SERPINC1: variants seen among roughly 807,000 people sequenced by gnomAD.
The protein encoded by SERPINC1 is serpin family C member 1.
A neutral mutation model predicts 43.4 loss-of-function variants in SERPINC1; 12 were observed. The observed-to-expected ratio is 0.28, with a 90% CI of 0.18 to 0.45. SERPINC1 has a LOEUF of 0.45. SERPINC1 is among the 20% of genes least tolerant of loss of function. The probability of loss-of-function intolerance (pLI) is 1.00; values close to 1 mark genes in which losing one functional copy is unlikely to be tolerated. For missense variants in SERPINC1, 423 were observed against 578.8 expected (o/e 0.73, Z 2.76); for synonymous variants, 210 against 218.9 (o/e 0.96, Z 0.36).
At chr1:173,912,565 C>CA (rs1398438662) in intron 2 of SERPINC1, among the ~76,000 whole-genome samples, 2 of 152,220 alleles carry the variant, frequency 1.3e-5, no homozygotes, top group African/African-American at 4.8e-5. Flanking sequence ...ATCCCCAAGG[C>CA]AAAATGGGTG....
At chr1:173,913,108 C>T (rs1370652846) in intron 2 of SERPINC1, among the ~76,000 whole-genome samples, 1 of 152,196 alleles carries the variant, frequency 6.6e-6, no homozygotes, top group East Asian at 1.9e-4. Context: ...CCTCCTAAGA[C>T]CCACAGACTT....
chr1:173,907,486 G>A lies in SERPINC1; in HGVS notation c.1182C>T (p.Leu394=), dbSNP rs1418519726. 11 of 1,613,872 alleles carry A rather than the reference G, an allele frequency of 6.8e-6. No individual in the cohort carries two copies. The highest frequency in any genetic ancestry group is 1.3e-5 in the African/African-American group (1 of 74,918). Residue 394 remains leucine, a synonymous_variant, in exon 6 of 7, where the codon CTC becomes CTT. Coordinates refer to ENST00000367698, the MANE Select transcript of SERPINC1 (RefSeq NM_000488.4). The part of the protein sequence containing the change: ...PGIVAEGRDD[L]YVSDAFHKAF... The stretch of plus-strand genomic sequence containing the variant: ...CCTTATGGAATGCATCTGAGACATA[G>A]AGGTCATCTCGGCCTTCTGCAACAA...
chr1:173,904,049 C>T lies in SERPINC1; in HGVS notation c.1235G>A (p.Ser412Asn), dbSNP rs1657379892. The T allele has an allele frequency of 1.2e-6, 2 of 1,614,076 alleles. No individual in the cohort carries two copies. The highest frequency in any genetic ancestry group is 1.7e-6 in the Non-Finnish European group (2 of 1,180,020). The part of the protein sequence containing the change: ...KAFLEVNEEG[S>N]EAAASTAVVI... ...AACAGCGGTACTTGCAGCTGCTTCA[C>T]TGCCTTCTTCATTTACCTGCAGGTC... Residue 412 changes from serine to asparagine, a missense_variant, in exon 7 of 7, where the codon AGT becomes AAT. By Grantham distance (46) the Ser-to-Asn change is conservative (BLOSUM62 1). Coordinates refer to ENST00000367698, the MANE Select transcript of SERPINC1 (RefSeq NM_000488.4).
At position 173,909,576 on chromosome 1, in the gene SERPINC1, T is replaced by C; in HGVS notation, c.1129A>G (p.Ser377Gly). The C allele has an allele frequency of 6.2e-7, 1 of 1,614,042 alleles. No homozygotes were observed. Among genetic ancestry groups the C allele is most frequent in the Non-Finnish European group, 8.5e-7 (1 of 1,180,044 alleles). Reference sequence around the variant, plus strand: ...CCTGGGAGTTTGGACTTTTCAGGGCTGAACAGATCGACAAGGCCCATGTCT... The same window carrying C: ...CCTGGGAGTTTGGACTTTTCAGGGCCGAACAGATCGACAAGGCCCATGTCT... Reference protein sequence around the residue: ...LQDMGLVDLFSPEKSKLPGIV... With the variant: ...LQDMGLVDLFGPEKSKLPGIV... Residue 377 changes from serine to glycine, a missense_variant, in exon 5 of 7, where the codon AGC becomes GGC. Ser to Gly is a moderately conservative substitution (Grantham distance 56). Coordinates refer to ENST00000367698, the MANE Select transcript of SERPINC1 (RefSeq NM_000488.4).
intron 1 of SERPINC1, 39 bp downstream of exon 1, chr1:173,917,180 C>A: frequency 6.3e-7 from 1 of 1,598,786 alleles, no homozygotes; most frequent in Non-Finnish European, 8.6e-7. Context: ...GTCACAAAAC[C>A]CAGTAGGGGC....
intron 5 of SERPINC1, among the ~76,000 whole-genome samples, chr1:173,908,643 G>A (rs986039318): frequency 7.2e-5 from 11 of 151,916 alleles, no homozygotes; most frequent in East Asian, 1.9e-4. Context: ...ACACCACAGC[G>A]TTGACCTCCC....
Position 173,909,833 on chromosome 1 carries a change from C to T in SERPINC1, c.872G>A (p.Arg291His), listed in dbSNP as rs377588972. Reference sequence around the variant, plus strand: ...GGTGCCTTCAGCCACGCGCCGATAACGGAACTTGCCTTCCTGGTACATCAT... The same window carrying T: ...GGTGCCTTCAGCCACGCGCCGATAATGGAACTTGCCTTCCTGGTACATCAT... ...ASMMYQEGKF[R>H]YRRVAEGTQV... The change falls in exon 5 of 7, where the codon CGT (arginine) becomes CAT (histidine). Residue 291 changes from arginine (R) to histidine (H), a missense_variant. Physicochemically the swap from Arg to His is conservative, Grantham distance 29. Transcript: ENST00000367698. 3.3e-5 allele frequency: 54 copies of T among 1,613,920 alleles called. No homozygotes were observed. The highest frequency in any genetic ancestry group is 1.8e-4 in the Admixed American group (11 of 60,002).
At chr1:173,907,544 A>C (rs1657568670) in intron 5 of SERPINC1, 30 bp from the exon 6 acceptor site, 1 of 1,582,024 alleles carries the variant, frequency 6.3e-7, no homozygotes, top group Non-Finnish European at 8.7e-7. Flanking sequence ...AGTCTTTGTG[A>C]GATGGGAGAA....
At chr1:173,908,441 G>T (rs1228701200) in intron 5 of SERPINC1, among the ~76,000 whole-genome samples, 1 of 122,278 alleles carries the variant, frequency 8.2e-6, no homozygotes, top group Non-Finnish European at 1.6e-5. Flanking sequence ...AGTGAGCCAA[G>T]ATTGCACCAC....
chr1:173,907,424 T>G, intron 6 of SERPINC1, 26 bp downstream of exon 6: 2 of 1,570,208 alleles, frequency 1.3e-6, no homozygotes, highest in Non-Finnish European at 1.8e-6. Flanking sequence ...TTCTGTACCC[T>G]AAGAGAGTGG....
chr1:173,915,979 A>G (rs1657972833), intron 1 of SERPINC1, among the ~76,000 whole-genome samples: 1 of 152,080 alleles, frequency 6.6e-6, no homozygotes, highest in Admixed American at 6.6e-5. Context: ...CCCAGAGTCA[A>G]TCAGTTCACC....
intron 6 of SERPINC1, among the ~76,000 whole-genome samples, chr1:173,905,154 C>A (rs1302740360): frequency 6.6e-6 from 1 of 152,176 alleles, no homozygotes; most frequent in Non-Finnish European, 1.5e-5. Context: ...AGTTAAAACC[C>A]TGAGGACTCA....
intron 2 of SERPINC1, among the ~76,000 whole-genome samples, chr1:173,912,992 A>T (rs1377968801): frequency 6.6e-6 from 1 of 152,204 alleles, no homozygotes; most frequent in Non-Finnish European, 1.5e-5. Flanking sequence ...AGAGTTTTTA[A>T]ATCTACAATT....
Position 173,909,821 on chromosome 1 carries a change from A to C in SERPINC1, c.884T>G (p.Val295Gly), listed in dbSNP as rs1657689622. Residue 295 changes from valine to glycine, a missense_variant, in exon 5 of 7, where the codon GTG becomes GGG. Coordinates refer to ENST00000367698, the MANE Select transcript of SERPINC1 (RefSeq NM_000488.4). ...CTCAAGCACCTGGGTGCCTTCAGCCACGCGCCGATAACGGAACTTGCCTTC... is the reference window on the plus strand; with the variant it reads ...CTCAAGCACCTGGGTGCCTTCAGCCCCGCGCCGATAACGGAACTTGCCTTC... ...YQEGKFRYRR[V>G]AEGTQVLELP... 1 of 1,613,904 alleles carries C rather than the reference A, an allele frequency of 6.2e-7. No homozygotes were observed.
chr1:173,913,677 A>T (rs997959044), intron 2 of SERPINC1, among the ~76,000 whole-genome samples: 10 of 152,128 alleles, frequency 6.6e-5, no homozygotes, highest in African/African-American at 2.2e-4. Flanking sequence ...CAACATGGTG[A>T]AACCCCATCT....
chr1:173,914,799 A>C lies in SERPINC1; in HGVS notation c.162T>G (p.Ile54Met), dbSNP rs756940594. 8.7e-6 allele frequency: 14 copies of C among 1,614,066 alleles called. No homozygotes were observed. The highest frequency in any genetic ancestry group is 1.1e-5 in the Non-Finnish European group (13 of 1,179,920). ...TTGCCTTCTTCTCCGGGGAGCGGTA[A>C]ATGCACATGGGATTCATGGGAATGT... ...PRDIPMNPMCIYRSPEKKATE... is the reference protein window; with the variant it reads ...PRDIPMNPMCMYRSPEKKATE... Residue 54 changes from isoleucine (I) to methionine (M), a missense_variant, in exon 2 of 7, where the codon ATT becomes ATG. Physicochemically the swap from Ile to Met is conservative, Grantham distance 10. Transcript: ENST00000367698.
Position 173,911,951 on chromosome 1 carries a change from G to T in SERPINC1, c.472C>A (p.Leu158Met). 6.2e-7 allele frequency: 1 copy of T among 1,614,178 alleles called. No homozygotes were observed. The highest frequency in any genetic ancestry group is 8.5e-7 in the Non-Finnish European group (1 of 1,180,032). ...GCTTTTCGATAGAGTCGGCAGTTCAGTTTGGCAAAGAAGAAGTGGATCTGA... is the reference window on the plus strand; with the variant it reads ...GCTTTTCGATAGAGTCGGCAGTTCATTTTGGCAAAGAAGAAGTGGATCTGA... The part of the protein sequence containing the change: ...SDQIHFFFAK[L>M]NCRLYRKANK... The change falls in exon 3 of 7, where the codon CTG (leucine) becomes ATG (methionine). Residue 158 changes from leucine to methionine, a missense_variant. By Grantham distance (15) the Leu-to-Met change is conservative (BLOSUM62 2). Coordinates refer to ENST00000367698, the MANE Select transcript of SERPINC1 (RefSeq NM_000488.4).
rs761064819 is a variant in SERPINC1 at position 173,903,854 on chromosome 1, C to CA, written c.*34dup. The CA allele has an allele frequency of 6.3e-7, 1 of 1,596,940 alleles. No homozygotes were observed. The highest frequency in any genetic ancestry group is 8.6e-7 in the Non-Finnish European group (1 of 1,164,906). ...TTTATTTTTACTTCTGTTCACAAACCAAAAATAGGAAGAGGTGCAAAGAAT... is the reference window on the plus strand; with the variant it reads ...TTTATTTTTACTTCTGTTCACAAACCAAAAAATAGGAAGAGGTGCAAAGAAT... On this transcript the variant is annotated 3_prime_UTR_variant, in exon 7 of 7. Transcript: ENST00000367698.
chr1:173,906,793 C>T (rs1195287041), intron 6 of SERPINC1, among the ~76,000 whole-genome samples: 6 of 151,944 alleles, frequency 3.9e-5, no homozygotes, highest in Middle Eastern at 3.2e-3. Context: ...CAGGAGTCTT[C>T]TTACTAGATG....
Sources: allele counts gnomAD v4.1 joint callset (sites outside exome capture counted in the v4.1 genomes callset), GRCh38; gene constraint gnomAD v4.1.1; transcripts MANE v1.5; gene names NCBI Gene and HGNC (gene_info 2026-07-23, HGNC 2026-07-21).